The following SPAG7 variants were observed in gnomAD, a reference collection of about 807,000 sequenced individuals.
The protein encoded by SPAG7 is sperm-associated antigen 7.
A neutral mutation model predicts 30.6 loss-of-function variants in SPAG7; 20 were observed. That is an observed-to-expected ratio of 0.65 (90% CI 0.46 to 0.95). The LOEUF is 0.95. SPAG7 is among the 40% of genes least tolerant of loss of function. The pLI is 0.00. For synonymous variants in SPAG7, 127 were observed against 104.2 expected (o/e 1.22, Z -1.33); for missense variants, 276 against 291.1 (o/e 0.95, Z 0.38).
At chr17:4,962,876 G>A (rs1456920698) in intron 1 of SPAG7, among the ~76,000 whole-genome samples, 1 of 151,638 alleles carries the variant, frequency 6.6e-6, no homozygotes, top group African/African-American at 2.4e-5. Context: ...CCTCCCACCT[G>A]GGCCTCTCAA....
chr17:4,966,569 AACGCTTTGCTTCTCTCTCTC>A, intron 1 of SPAG7: 1 of 984,680 alleles, frequency 1.0e-6, no homozygotes, highest in Non-Finnish European at 1.2e-6. Context: ...TTCTGCCTGT[AACGCTTTGCTTCTCTCTCTC>A]ATTTACGGAA....
intron 1 of SPAG7, 50 bp from the exon 2 acceptor site, chr17:4,960,903 G>T: frequency 6.4e-7 from 1 of 1,557,544 alleles, no homozygotes. Context: ...GCATGGGTGG[G>T]AAAGGTTTCT....
intron 1 of SPAG7, among the ~76,000 whole-genome samples, 167 bp from the exon 2 acceptor site, chr17:4,961,020 C>T (rs1390922047): frequency 6.6e-6 from 1 of 152,148 alleles, no homozygotes; most frequent in Non-Finnish European, 1.5e-5. Context: ...TCTAATAGTC[C>T]CCCTTATCCA....
chr17:4,967,780 G>A lies in SPAG7; in HGVS notation c.25C>T (p.Leu9=). The A allele has an allele frequency of 1.9e-6, 3 of 1,613,982 alleles. No individual in the cohort carries two copies. The highest frequency in any genetic ancestry group is 2.5e-6 in the Non-Finnish European group (3 of 1,179,852). Residue 9 remains leucine, a synonymous_variant, in exon 1 of 7, where the codon CTG becomes TTG. Transcript: ENST00000206020. MADLLGSI[L]SSMEKPPSLG... is the part of the protein sequence containing the mutation. Reference sequence around the variant, plus strand: ...CTGGGTGGCTTCTCCATGGAGCTCAGGATGGAGCCCAGTAGGTCCGCCATC... The same window carrying A: ...CTGGGTGGCTTCTCCATGGAGCTCAAGATGGAGCCCAGTAGGTCCGCCATC...
chr17:4,964,155 T>A (rs2151148583), intron 1 of SPAG7, among the ~76,000 whole-genome samples: 2 of 151,830 alleles, frequency 1.3e-5, no homozygotes, highest in South Asian at 4.2e-4. Context: ...ACTTTCTTCC[T>A]CTTCCTTAGA....
At chr17:4,963,815 A>G (rs1201873525) in intron 1 of SPAG7, among the ~76,000 whole-genome samples, 2 of 152,036 alleles carry the variant, frequency 1.3e-5, no homozygotes, top group Non-Finnish European at 2.9e-5. Context: ...TCCCACTTCT[A>G]TAGACAGGAT....
rs953079354 is a variant in SPAG7, at chr17:4,960,302, C to T, written c.259G>A (p.Val87Met). 6.2e-6 allele frequency: 10 copies of T among 1,614,184 alleles called. No homozygotes were observed. The highest frequency in any genetic ancestry group is 7.6e-6 in the Non-Finnish European group (9 of 1,180,018). The change falls in exon 4 of 7, where the codon GTG becomes ATG. Residue 87 changes from valine to methionine, a missense_variant. By Grantham distance (21) the Val-to-Met change is conservative. Coordinates refer to ENST00000206020, the MANE Select transcript of SPAG7 (RefSeq NM_004890.3). ...AAGGAGAAGGATGTCAGGCCAGCCA[C>T]TTCCACCACATCATGTCTGGGATGG... Reference protein sequence around the residue: ...ERSILHDVVEVAGLTSFSFGE... With the variant: ...ERSILHDVVEMAGLTSFSFGE...
At chr17:4,960,974 C>T (rs959722035) in intron 1 of SPAG7, 121 bp from the exon 2 acceptor site, 7 of 823,336 alleles carry the variant, frequency 8.5e-6, no homozygotes, top group Middle Eastern at 3.0e-4. Context: ...GTAGGATTAG[C>T]GTTTATTCAT....
At position 4,960,414 on chromosome 17, in the gene SPAG7, C is replaced by T. The variant is rs200976476; in HGVS notation, c.242+45G>A. ...GCCCCCCGCTGGCCCTTTCATGCCC[C>T]GCTAGCCACCCATTTCCTTCCTCCC... On this transcript the variant is annotated intron_variant, in intron 3 of 6. Coordinates refer to ENST00000206020, the MANE Select transcript of SPAG7 (RefSeq NM_004890.3). The T allele has an allele frequency of 5.2e-5, 83 of 1,597,252 alleles. No homozygotes were observed. The East Asian group carries it at 8.3e-4, about 16-fold the overall frequency.
chr17:4,966,959 G>A (rs1039239701), intron 1 of SPAG7: 4 of 985,520 alleles, frequency 4.1e-6, no homozygotes, highest in Non-Finnish European at 4.8e-6. Flanking sequence ...ATCATCCCAA[G>A]CTGCAACACG....
Position 4,959,617 on chromosome 17 carries a change from G to A in SPAG7, c.601C>T (p.Arg201Cys). The change falls in exon 7 of 7, where the codon CGC becomes TGC. Residue 201 changes from arginine to cysteine, a missense_variant. Physicochemically the swap from Arg to Cys is radical, Grantham distance 180. Transcript: ENST00000206020. ...CVPVANKRDT[R>C]SIEEAMNEIR... ...TCATTCATAGCCTCTTCAATGGAGC[G>A]TGTGTCCCTCTTATTGGCCACGGGC... The A allele has an allele frequency of 1.2e-6, 2 of 1,614,082 alleles. No homozygotes were observed. The highest frequency in any genetic ancestry group is 1.3e-5 in the African/African-American group (1 of 75,040).
chr17:4,966,488 G>C, intron 1 of SPAG7: 1 of 714,198 alleles, frequency 1.4e-6, no homozygotes, highest in Non-Finnish European at 1.7e-6. Flanking sequence ...GACAGTCATC[G>C]GAGCATTAGA....
intron 6 of SPAG7, 56 bp from the exon 7 acceptor site, chr17:4,959,699 T>C (rs752162887): frequency 1.2e-6 from 2 of 1,613,516 alleles, no homozygotes; most frequent in Admixed American, 1.7e-5. Flanking sequence ...CAGCCTCCAC[T>C]GCCCTCCTGC....
At chr17:4,960,942 T>A (rs945604386) in intron 1 of SPAG7, 89 bp from the exon 2 acceptor site, 1 of 1,143,132 alleles carries the variant, frequency 8.7e-7, no homozygotes, top group Non-Finnish European at 1.3e-6. Flanking sequence ...TGGTGTCCAC[T>A]GGGAGGTGTC....
chr17:4,967,536 G>C (rs1971983976), intron 1 of SPAG7, among the ~76,000 whole-genome samples, 184 bp downstream of exon 1: 1 of 151,834 alleles, frequency 6.6e-6, no homozygotes, highest in Non-Finnish European at 1.5e-5. Context: ...CTATCTTTCA[G>C]GTAGCCAATC....
rs1188763966 is a variant in SPAG7, at chr17:4,959,537, G to T, written c.681C>A (p.Ser227=). The T allele has an allele frequency of 9.3e-6, 15 of 1,612,206 alleles. No individual in the cohort carries two copies. Among genetic ancestry groups the T allele is most frequent in the Non-Finnish European group, 1.2e-5 (14 of 1,179,540 alleles). The change falls in exon 7 of 7, where the codon TCC becomes TCA. Residue 227 remains serine, a synonymous_variant. Transcript: ENST00000206020. ...CAAAGGGAGCTGGGCGGGGCGCCTAGGAGGTTGGCGGCAACTCTTCCCCAC... is the reference window on the plus strand; with the variant it reads ...CAAAGGGAGCTGGGCGGGGCGCCTATGAGGTTGGCGGCAACTCTTCCCCAC... ...RQSGEELPPT[S]
At position 4,967,764 on chromosome 17, in the gene SPAG7, T is replaced by G; in HGVS notation, c.41A>C (p.Lys14Thr). The G allele has an allele frequency of 6.2e-7, 1 of 1,614,108 alleles. No homozygotes were observed. The highest frequency in any genetic ancestry group is 8.5e-7 in the Non-Finnish European group (1 of 1,179,980). ...LLGSILSSME[K>T]PPSLGDQETR... The stretch of plus-strand genomic sequence containing the variant: ...CTCCTGGTCACCGAGGCTGGGTGGC[T>G]TCTCCATGGAGCTCAGGATGGAGCC... The change falls in exon 1 of 7, where the codon AAG becomes ACG. Residue 14 changes from lysine to threonine, a missense_variant. Lys to Thr is a moderately conservative substitution (Grantham distance 78). Coordinates refer to ENST00000206020, the MANE Select transcript of SPAG7 (RefSeq NM_004890.3).
chr17:4,959,959 C>T (rs1014699342), intron 5 of SPAG7, 43 bp from the exon 6 acceptor site: 3 of 1,613,026 alleles, frequency 1.9e-6, no homozygotes, highest in African/African-American at 2.7e-5. Context: ...GGCCCCAGCC[C>T]AAACCCCCAC....
At chr17:4,960,632 G>T in intron 2 of SPAG7, 85 bp from the exon 3 acceptor site, 1 of 1,346,310 alleles carries the variant, frequency 7.4e-7, no homozygotes. Flanking sequence ...GCCCTTCTAC[G>T]CCTCCCCAGC....
Sources: gnomAD v4.1 joint callset for allele counts (sites outside exome capture counted in the v4.1 genomes callset) on GRCh38, gnomAD v4.1.1 for gene constraint, MANE v1.5 for transcripts, NCBI Gene and HGNC (gene_info 2026-07-23, HGNC 2026-07-21) for gene names.